Variants in RIOK3 observed in about 807,000 individuals in gnomAD.
The protein encoded by RIOK3 is serine/threonine-protein kinase RIO3.
In RIOK3, 40 loss-of-function variants were observed where a neutral mutation model predicts 63.5. That is an observed-to-expected ratio of 0.63 (90% CI 0.49 to 0.82). The LOEUF (loss-of-function observed/expected upper bound fraction) is 0.82, where lower values mean the gene tolerates loss of function less well. Ranked by LOEUF, RIOK3 falls within the 40% of genes least tolerant of loss-of-function variation. The pLI is 0.00. For synonymous variants in RIOK3, 193 were observed against 205.0 expected, an observed-to-expected ratio of 0.94 and a Z score of 0.50; for missense variants, 557 against 637.0, an observed-to-expected ratio of 0.87 and a Z score of 1.35.
At chr18:23,477,785 A>G (rs927738280) in intron 11 of RIOK3, among the ~76,000 whole-genome samples, 3 of 142,614 alleles carry the variant, frequency 2.1e-5, no homozygotes, top group African/African-American at 8.0e-5. Flanking sequence ...AAAAAAAAAA[A>G]TATGCCAGGT....
At chr18:23,478,193 C>G (rs2057506415) in intron 11 of RIOK3, among the ~76,000 whole-genome samples, 1 of 151,964 alleles carries the variant, frequency 6.6e-6, no homozygotes. Context: ...TGCCTGTATG[C>G]TTGCTGCCAT....
At chr18:23,467,552 G>A in intron 7 of RIOK3, 26 bp downstream of exon 7, 1 of 1,603,860 alleles carries the variant, frequency 6.2e-7, no homozygotes, top group Non-Finnish European at 8.5e-7. Flanking sequence ...ATGATACCAT[G>A]ATATGAAAAC....
chr18:23,469,607 C>T (rs2057442398), intron 7 of RIOK3, among the ~76,000 whole-genome samples: 2 of 151,414 alleles, frequency 1.3e-5, no homozygotes, highest in Admixed American at 1.3e-4. Flanking sequence ...CCTGCCTCAG[C>T]CTCCCCGGTA....
intron 4 of RIOK3, 34 bp from the exon 5 acceptor site, chr18:23,464,485 T>G: frequency 7.0e-7 from 1 of 1,436,632 alleles, no homozygotes; most frequent in South Asian, 1.2e-5. Context: ...TCTTTGCTAT[T>G]TTTATATACC....
intron 11 of RIOK3, 121 bp downstream of exon 11, chr18:23,477,389 C>T: frequency 3.9e-6 from 3 of 763,888 alleles, no homozygotes; most frequent in Non-Finnish European, 7.0e-6. Context: ...ATACGGGCTG[C>T]TTTCAGGACA....
chr18:23,469,567 A>G (rs1259384638), intron 7 of RIOK3, among the ~76,000 whole-genome samples: 1 of 147,030 alleles, frequency 6.8e-6, no homozygotes, highest in African/African-American at 2.5e-5. Context: ...GGCTCACTGC[A>G]TCCTCTACCT....
rs756847749 is a variant in RIOK3 at position 23,464,318 on chromosome 18, C to G, written c.433+5C>G. 15 of 1,602,354 alleles carry G rather than the reference C, an allele frequency of 9.4e-6. No individual in the cohort carries two copies. The highest frequency in any genetic ancestry group is 1.1e-5 in the South Asian group (1 of 89,750). On this transcript the variant is annotated splice_donor_5th_base_variant and intron_variant, in intron 4 of 12. Transcript: ENST00000339486. ...GTGATGATCCCTACAGACCAGGTACCAAAGTTTTTACTTTCTGGGGGCAGC... is the reference window on the plus strand; with the variant it reads ...GTGATGATCCCTACAGACCAGGTACGAAAGTTTTTACTTTCTGGGGGCAGC...
chr18:23,472,173 C>T (rs1386322363), intron 7 of RIOK3, among the ~76,000 whole-genome samples: 1 of 151,622 alleles, frequency 6.6e-6, no homozygotes, highest in East Asian at 1.9e-4. Context: ...GTGGAGGTTG[C>T]AGTGAGCCAG....
At chr18:23,457,275 A>G (rs2145667922) in intron 1 of RIOK3, among the ~76,000 whole-genome samples, 1 of 152,304 alleles carries the variant, frequency 6.6e-6, no homozygotes, top group South Asian at 2.1e-4. Flanking sequence ...AGCAAAAGTG[A>G]GGAAGTGTGT....
At chr18:23,478,606 CATATATATATATATATATATAT>C (rs67305895) in intron 11 of RIOK3, among the ~76,000 whole-genome samples, 10,033 of 130,646 alleles carry the variant, frequency 0.077, 605 homozygotes, top group Middle Eastern at 0.13. Flanking sequence ...AAAAACAAAA[CATATATATATATATATATATAT>C]ATATATATAT....
chr18:23,475,941 C>CTTTTTT (rs374984418), intron 9 of RIOK3, among the ~76,000 whole-genome samples: 1 of 80,024 alleles, frequency 1.2e-5, no homozygotes, highest in Non-Finnish European at 2.4e-5. Context: ...TTTTTTGGGG[C>CTTTTTT]TTTTTTTTTT....
intron 1 of RIOK3, among the ~76,000 whole-genome samples, chr18:23,460,291 G>A (rs1237556334): frequency 1.3e-5 from 2 of 152,166 alleles, no homozygotes; most frequent in South Asian, 2.1e-4. Flanking sequence ...ATCTTGCTGT[G>A]TTGCCTAGGG....
intron 9 of RIOK3, among the ~76,000 whole-genome samples, chr18:23,475,462 CA>C (rs60717269): frequency 0.02 from 2,033 of 99,292 alleles, 55 homozygotes; most frequent in African/African-American, 0.077. Context: ...GACTCTGTCT[CA>C]AAAAAAAAAA....
Position 23,483,013 on chromosome 18 carries a change from TA to T in RIOK3, c.*1738del, listed in dbSNP as rs1438107363. 1.3e-5 allele frequency: 2 copies of T among 152,252 alleles called. No homozygotes were observed. The highest frequency in any genetic ancestry group is 6.5e-5 in the Admixed American group (1 of 15,284). The allele number at this position is 152,252 out of a possible 1,614,324, so 9.4% of individuals were successfully genotyped here. ...ACTAATTTTTAAAATCTTTAGCATTTAAAACTTTTTTTGTTTTGTTTTCTGA... is the reference window on the plus strand; with the variant it reads ...ACTAATTTTTAAAATCTTTAGCATTTAAACTTTTTTTGTTTTGTTTTCTGA... On this transcript the variant is annotated 3_prime_UTR_variant, in exon 13 of 13. Coordinates refer to ENST00000339486, the MANE Select transcript of RIOK3 (RefSeq NM_003831.5).
intron 7 of RIOK3, among the ~76,000 whole-genome samples, chr18:23,470,594 G>A (rs753997103): frequency 1.1e-4 from 16 of 152,250 alleles, no homozygotes; most frequent in African/African-American, 3.1e-4. Flanking sequence ...GCACTTCAGC[G>A]TCATCTGTAA....
intron 9 of RIOK3, among the ~76,000 whole-genome samples, chr18:23,475,462 CAAA>C (rs60717269): frequency 5.0e-5 from 5 of 99,312 alleles, no homozygotes; most frequent in Admixed American, 1.2e-4. Context: ...GACTCTGTCT[CAAA>C]AAAAAAAAAA....
intron 5 of RIOK3, among the ~76,000 whole-genome samples, 159 bp from the exon 6 acceptor site, chr18:23,465,974 G>A (rs1437715242): frequency 6.6e-6 from 1 of 152,088 alleles, no homozygotes; most frequent in African/African-American, 2.4e-5. Flanking sequence ...CTCTTTCTGT[G>A]AGTTATTTAA....
At chr18:23,480,074 A>G (rs1166640201) in intron 12 of RIOK3, among the ~76,000 whole-genome samples, 1 of 152,218 alleles carries the variant, frequency 6.6e-6, no homozygotes, top group African/African-American at 2.4e-5. Flanking sequence ...CTAAACATAG[A>G]AAGTTAGAAG....
intron 1 of RIOK3, among the ~76,000 whole-genome samples, chr18:23,453,737 T>C (rs2057320025): frequency 6.6e-6 from 1 of 152,236 alleles, no homozygotes; most frequent in East Asian, 1.9e-4. Context: ...GGGCTCTCTA[T>C]TTCTTCAGCG....
Sources: allele counts gnomAD v4.1 joint callset (sites outside exome capture counted in the v4.1 genomes callset), GRCh38; gene constraint gnomAD v4.1.1; transcripts MANE v1.5; gene names NCBI Gene and HGNC (gene_info 2026-07-23, HGNC 2026-07-21).